The following GARIN1A variants were observed in gnomAD, a reference collection of about 807,000 sequenced individuals.
GARIN1A encodes golgi associated RAB2 interactor 1A, also known as Golgi-associated RAB2 interactor protein 1A.
At chr7:128,677,451 G>A in the GARIN1A span, 2 of 1,203,852 alleles carry the variant, frequency 1.7e-6, no homozygotes, top group South Asian at 1.7e-5. Context: ...AGCCTGCAGT[G>A]AGCCGAGATC....
the GARIN1A span, among the ~76,000 whole-genome samples, chr7:128,675,078 T>TGG: frequency 2.0e-5 from 3 of 152,020 alleles, no homozygotes; most frequent in Non-Finnish European, 4.4e-5. Context: ...CACAGTGAGG[T>TGG]GGGGGGTGTC....
At chr7:128,673,207 A>C in the GARIN1A span, among the ~76,000 whole-genome samples, 46 of 152,348 alleles carry the variant, frequency 3.0e-4, no homozygotes, top group East Asian at 8.3e-3. Flanking sequence ...TACTGAGTGC[A>C]GGGCAGGAGG....
the GARIN1A span, among the ~76,000 whole-genome samples, chr7:128,699,259 T>TGCCC: frequency 2.7e-5 from 1 of 37,114 alleles, no homozygotes; most frequent in East Asian, 4.3e-4. Context: ...CCATACCTGC[T>TGCCC]GCCCCCCCCC....
At chr7:128,693,375 C>G in the GARIN1A span, 1 of 152,428 alleles carries the variant, frequency 6.6e-6, no homozygotes, top group Non-Finnish European at 1.5e-5. Context: ...CCTCCTCTCA[C>G]TCCGTTCAAG....
the GARIN1A span, among the ~76,000 whole-genome samples, chr7:128,700,690 T>C: frequency 6.6e-6 from 1 of 152,124 alleles, no homozygotes; most frequent in Non-Finnish European, 1.5e-5. Context: ...CATACATACA[T>C]AGCTGGAATC....
At chr7:128,672,540 A>G in the GARIN1A span, 12 of 1,605,156 alleles carry the variant, frequency 7.5e-6, no homozygotes, top group South Asian at 2.2e-5. Context: ...TTTGAAAGCA[A>G]CTTTATCCAG....
At chr7:128,704,822 C>A in the GARIN1A span, among the ~76,000 whole-genome samples, 2 of 152,204 alleles carry the variant, frequency 1.3e-5, no homozygotes, top group Admixed American at 1.3e-4. Flanking sequence ...TAACAGTCTG[C>A]AGCAGCCTGG....
chr7:128,694,546 A>T, the GARIN1A span, among the ~76,000 whole-genome samples: 1 of 64,336 alleles, frequency 1.6e-5, no homozygotes, highest in East Asian at 4.9e-4. Context: ...AAAAAAAAAG[A>T]AAGAAAGAAA....
chr7:128,676,300 G>A, the GARIN1A span, among the ~76,000 whole-genome samples: 1 of 151,806 alleles, frequency 6.6e-6, no homozygotes, highest in Non-Finnish European at 1.5e-5. Context: ...GTGAGCCACC[G>A]CGCCTGACCT....
the GARIN1A span, among the ~76,000 whole-genome samples, chr7:128,681,462 C>CCTCCCCTCTT: frequency 3.1e-5 from 2 of 64,860 alleles, no homozygotes; most frequent in Non-Finnish European, 7.2e-5. Flanking sequence ...CCTCCCCTCC[C>CCTCCCCTCTT]CTCCCCTCTC....
At chr7:128,692,941 T>A in the GARIN1A span, among the ~76,000 whole-genome samples, 1 of 152,224 alleles carries the variant, frequency 6.6e-6, no homozygotes, top group Non-Finnish European at 1.5e-5. Context: ...CTGAGAGTGG[T>A]AAAGCTTCAT....
the GARIN1A span, among the ~76,000 whole-genome samples, chr7:128,689,991 G>C: frequency 6.6e-6 from 1 of 152,248 alleles, no homozygotes; most frequent in Non-Finnish European, 1.5e-5. Context: ...GGAAAAGTTA[G>C]AGAAATCAGA....
chr7:128,699,169 A>T, the GARIN1A span, among the ~76,000 whole-genome samples: 35 of 151,980 alleles, frequency 2.3e-4, no homozygotes, highest in East Asian at 6.0e-3. Flanking sequence ...TTAATAAAAA[A>T]TTTTAAATAT....
the GARIN1A span, chr7:128,672,613 G>A: frequency 5.8e-5 from 38 of 657,690 alleles, no homozygotes; most frequent in East Asian, 8.8e-5. Flanking sequence ...CTAGGGGTTG[G>A]TTAGGAGATG....
chr7:128,701,447 GAGGGA>G, the GARIN1A span, among the ~76,000 whole-genome samples: 1 of 58,404 alleles, frequency 1.7e-5, no homozygotes, highest in African/African-American at 6.4e-5. Flanking sequence ...GAGGGGAGGG[GAGGGA>G]AGGGAAGGGA....
At chr7:128,684,614 CAAAA>C in the GARIN1A span, 15,891 of 92,472 alleles carry the variant, frequency 0.17, 927 homozygotes, top group East Asian at 0.34. Flanking sequence ...GACTCCATCT[CAAAA>C]AAAAAAAAAA....
the GARIN1A span, among the ~76,000 whole-genome samples, chr7:128,680,873 A>G: frequency 2.0e-5 from 3 of 152,196 alleles, no homozygotes; most frequent in Non-Finnish European, 4.4e-5. Flanking sequence ...GGTCCTCACC[A>G]GCCTCTTCTG....
chr7:128,705,166 G>C, the GARIN1A span, among the ~76,000 whole-genome samples: 4 of 152,190 alleles, frequency 2.6e-5, no homozygotes, highest in Non-Finnish European at 2.9e-5. Context: ...GTCATTTCCA[G>C]TTTGGGTGAT....
the GARIN1A span, among the ~76,000 whole-genome samples, chr7:128,703,764 G>T: frequency 6.4e-5 from 9 of 140,418 alleles, no homozygotes; most frequent in East Asian, 4.1e-4. Flanking sequence ...ATGACAGAGC[G>T]ACATCCTGTC....
Sources: allele counts gnomAD v4.1 joint callset (sites outside exome capture counted in the v4.1 genomes callset), GRCh38; gene constraint gnomAD v4.1.1; transcripts MANE v1.5; gene names NCBI Gene and HGNC (gene_info 2026-07-23, HGNC 2026-07-21).